Variants in NCKAP5 observed in about 807,000 individuals in gnomAD.
NCKAP5 encodes nck-associated protein 5.
Under a neutral mutation model 167.0 loss-of-function variants are expected in NCKAP5, and 92 were observed. The observed-to-expected ratio is 0.55, with a 90% CI of 0.47 to 0.66. The LOEUF (loss-of-function observed/expected upper bound fraction) is 0.66, where lower values mean the gene tolerates loss of function less well. Ranked by LOEUF, NCKAP5 falls within the 30% of genes least tolerant of loss-of-function variation. The pLI, the probability that NCKAP5 is intolerant of heterozygous loss-of-function variation, is 0.00. For missense variants in NCKAP5, 2,378 were observed against 2,315.0 expected (o/e 1.03, Z -0.56); for synonymous variants, 891 against 877.4 (o/e 1.02, Z -0.27).
intron 11 of NCKAP5, among the ~76,000 whole-genome samples, chr2:132,813,216 A>C (rs749084022): frequency 3.9e-5 from 6 of 152,256 alleles, no homozygotes; most frequent in Admixed American, 6.5e-5. Flanking sequence ...GTCAGCAATC[A>C]GGAACTTGGG....
At chr2:133,447,360 G>A (rs1341937932) in intron 3 of NCKAP5, among the ~76,000 whole-genome samples, 2 of 152,104 alleles carry the variant, frequency 1.3e-5, no homozygotes, top group African/African-American at 2.4e-5. Context: ...AACCTGAATT[G>A]AATCGGCTCA....
chr2:133,651,014 A>T, the NCKAP5 span, among the ~76,000 whole-genome samples: 3 of 152,230 alleles, frequency 2.0e-5, no homozygotes, highest in African/African-American at 4.8e-5. Flanking sequence ...TTTACCCTAC[A>T]CACAAACATC....
intron 5 of NCKAP5, among the ~76,000 whole-genome samples, chr2:133,197,619 CA>C (rs1297461502): frequency 6.6e-6 from 1 of 151,674 alleles, no homozygotes; most frequent in Non-Finnish European, 1.5e-5. Flanking sequence ...AAAACAAAAA[CA>C]GGGCTTTAAA....
chr2:133,274,286 T>TA (rs1553606070), intron 4 of NCKAP5, among the ~76,000 whole-genome samples: 1 of 151,800 alleles, frequency 6.6e-6, no homozygotes, highest in Non-Finnish European at 1.5e-5. Context: ...AGATCCCACT[T>TA]AAAAATAGTA....
chr2:133,264,324 C>T (rs760586328), intron 4 of NCKAP5, among the ~76,000 whole-genome samples: 3 of 152,200 alleles, frequency 2.0e-5, no homozygotes, highest in Non-Finnish European at 4.4e-5. Flanking sequence ...ATTTAAAATT[C>T]CTGCTGCTGG....
chr2:133,526,449 G>A (rs183084277), intron 2 of NCKAP5, among the ~76,000 whole-genome samples: 57 of 152,254 alleles, frequency 3.7e-4, no homozygotes, highest in African/African-American at 1.3e-3. Context: ...ACAAATGAAC[G>A]AGCACATGAT....
intron 11 of NCKAP5, among the ~76,000 whole-genome samples, chr2:132,844,244 C>A (rs1688505544): frequency 6.6e-6 from 1 of 152,082 alleles, no homozygotes; most frequent in African/African-American, 2.4e-5. Context: ...ACTTTTCCTA[C>A]CCTTGATATT....
rs549724302 is a variant in NCKAP5 at position 133,156,847 on chromosome 2, C to T, written c.208-26736G>A. Among the ~76,000 whole-genome samples the T allele has an allele frequency of 5.5e-4, 83 of 152,202 alleles. 1 individual carries two copies. In the South Asian group the frequency reaches 1.0e-2, roughly 18 times the overall value. ...CTTCTTATTACCCAATGAACATGAG[C>T]CAGATTTTTTAGGGTTTGCATGCAA... is the stretch of plus-strand genomic sequence containing the variant. On this transcript the variant is annotated intron_variant, in intron 5 of 19. Coordinates refer to ENST00000409261, the MANE Select transcript of NCKAP5 (RefSeq NM_207363.3).
intron 6 of NCKAP5, among the ~76,000 whole-genome samples, chr2:133,021,956 A>G (rs1173395636): frequency 6.6e-6 from 1 of 152,184 alleles, no homozygotes; most frequent in Non-Finnish European, 1.5e-5. Context: ...AAGCAAGGGA[A>G]TGGACAATGG....
At chr2:132,861,887 A>G (rs1385101181) in intron 10 of NCKAP5, among the ~76,000 whole-genome samples, 1 of 152,248 alleles carries the variant, frequency 6.6e-6, no homozygotes, top group East Asian at 1.9e-4. Context: ...ACACCAGCAT[A>G]TTGCTCTTAC....
rs191373262 is a variant in NCKAP5 at position 132,694,002 on chromosome 2, C to T, written c.5714-20697G>A. Among the ~76,000 whole-genome samples, 531 of 152,124 alleles carry T rather than the reference C, an allele frequency of 3.5e-3. 2 individuals are homozygous for T. Among genetic ancestry groups the T allele is most frequent in the Non-Finnish European group, 6.3e-3 (430 of 67,994 alleles). ...AAAGCACTCTCTGGATTACTTATCA[C>T]CATTAACAGGAGCTGTTTGGAGACA... is the stretch of plus-strand genomic sequence containing the variant. On this transcript the variant is annotated intron_variant, in intron 19 of 19. Transcript: ENST00000409261.
At chr2:132,897,577 A>T (rs1373469176) in intron 8 of NCKAP5, among the ~76,000 whole-genome samples, 3 of 152,192 alleles carry the variant, frequency 2.0e-5, no homozygotes. Flanking sequence ...AATGTCTGGC[A>T]GCATCCCTGG....
intron 5 of NCKAP5, among the ~76,000 whole-genome samples, chr2:133,157,278 G>A (rs754942644): frequency 1.3e-5 from 2 of 152,146 alleles, no homozygotes; most frequent in African/African-American, 2.4e-5. Context: ...CTCAAGCACA[G>A]TCATTGGAAC....
chr2:133,573,902 T>C, the NCKAP5 span, among the ~76,000 whole-genome samples: 2 of 152,160 alleles, frequency 1.3e-5, no homozygotes, highest in African/African-American at 4.8e-5. Flanking sequence ...TTTATGTAAA[T>C]TCATTAAACT....
chr2:133,020,895 G>A (rs974850236), intron 6 of NCKAP5, among the ~76,000 whole-genome samples: 1 of 152,206 alleles, frequency 6.6e-6, no homozygotes, highest in Non-Finnish European at 1.5e-5. Context: ...GGAAGAATAA[G>A]AGCGGAGCCC....
rs182069672 is a variant in NCKAP5, at chr2:133,344,079, C to T, written c.70-40969G>A. ...GTGTCAGTCATTCTTTGATTAGTGA[C>T]ATTTGAACAGAGACCTGAATAAAGA... On this transcript the variant is annotated intron_variant, in intron 3 of 19. Transcript: ENST00000409261. 8.1e-4 allele frequency among the ~76,000 whole-genome samples: 123 copies of T among 152,162 alleles called. 1 individual carries two copies. The highest frequency in any genetic ancestry group is 3.4e-3 in the Middle Eastern group (1 of 292).
intron 3 of NCKAP5, among the ~76,000 whole-genome samples, chr2:133,445,305 T>C (rs140866596): frequency 1.3e-3 from 204 of 152,284 alleles, no homozygotes; most frequent in African/African-American, 4.8e-3. Flanking sequence ...GTGGAGTTTA[T>C]AAAGATGTTA....
intron 11 of NCKAP5, among the ~76,000 whole-genome samples, chr2:132,816,118 C>T (rs368951129): frequency 6.6e-6 from 1 of 151,974 alleles, no homozygotes; most frequent in African/African-American, 2.4e-5. Flanking sequence ...AGGGGCTTAC[C>T]GGAAATTTCA....
rs530833747 is a variant in NCKAP5 at position 132,860,753 on chromosome 2, G to A, written c.688-142C>T. On this transcript the variant is annotated intron_variant, in intron 10 of 19. Transcript: ENST00000409261. ...AAGCCCCCAGAAGTAAATCACATACGTTTTCGTCCACAGACCATTGTCTGA... is the reference window on the plus strand; with the variant it reads ...AAGCCCCCAGAAGTAAATCACATACATTTTCGTCCACAGACCATTGTCTGA... 936 of 1,126,306 alleles carry A rather than the reference G, an allele frequency of 8.3e-4. 1 individual carries two copies. Among genetic ancestry groups the A allele is most frequent in the Admixed American group, 1.5e-3 (49 of 31,896 alleles). The allele number at this position is 1,126,306 out of a possible 1,614,324, so 69.8% of individuals were successfully genotyped here. A position where few individuals can be genotyped will look rare whatever the true frequency, so the allele number is the denominator to read the frequency against.
Sources: allele counts gnomAD v4.1 joint callset (sites outside exome capture counted in the v4.1 genomes callset), GRCh38; gene constraint gnomAD v4.1.1; transcripts MANE v1.5; gene names NCBI Gene and HGNC (gene_info 2026-07-23, HGNC 2026-07-21).